Variants in HDX observed in about 807,000 individuals in gnomAD.
The protein encoded by HDX is highly divergent homeobox, also known as chromosome X open reading frame 43.
Under a neutral mutation model 45.2 loss-of-function variants are expected in HDX, and 19 were observed. The ratio of observed to expected loss-of-function variants is 0.42; its 90% CI spans 0.29 to 0.62. The LOEUF is 0.62. HDX is among the 20% of genes least tolerant of loss of function. HDX has a pLI of 0.20. For synonymous variants in HDX, 188 were observed against 172.8 expected, an observed-to-expected ratio of 1.09 and a Z score of -0.69; for missense variants, 532 against 493.9, an observed-to-expected ratio of 1.08 and a Z score of -0.73.
chrX:84,462,238 T>A (rs1602501364), intron 4 of HDX, among the ~76,000 whole-genome samples: 1 of 112,152 alleles, frequency 8.9e-6, no homozygotes, highest in East Asian at 2.8e-4. Flanking sequence ...GCAGCACTAT[T>A]CACAATAGAC....
chrX:84,408,510 T>G (rs1459649662), intron 5 of HDX, among the ~76,000 whole-genome samples: 20 of 101,842 alleles, frequency 2.0e-4, no homozygotes, highest in Admixed American at 1.4e-3. Context: ...TTTTTTTTTT[T>G]TTTTTTTTTT....
intron 5 of HDX, among the ~76,000 whole-genome samples, chrX:84,429,377 G>GCTA (rs1467818380): frequency 2.7e-5 from 3 of 110,134 alleles, no homozygotes; most frequent in Non-Finnish European, 5.8e-5. Flanking sequence ...ATAGTTTTCA[G>GCTA]GGCAGAGGTT....
intron 10 of HDX, among the ~76,000 whole-genome samples, chrX:84,323,736 T>A (rs1477499090): frequency 8.9e-6 from 1 of 111,844 alleles, no homozygotes; most frequent in African/African-American, 3.2e-5. Context: ...CTGAAAAAAA[T>A]CTTTGGATTA....
rs186941259 is a variant in HDX, at chrX:84,453,661, T to G, written c.1252-13076A>C. Reference sequence around the variant, plus strand: ...CAGTCTATGTGACAAGGATTGCAGTTCCTGGGCAAGTCCTGGTACTGTGCT... The same window carrying G: ...CAGTCTATGTGACAAGGATTGCAGTGCCTGGGCAAGTCCTGGTACTGTGCT... On this transcript the variant is annotated intron_variant, in intron 4 of 10. Coordinates refer to ENST00000373177, the MANE Select transcript of HDX (RefSeq NM_001177479.2). Among the ~76,000 whole-genome samples the G allele has an allele frequency of 2.7e-5, 3 of 111,769 alleles. No homozygotes were observed. The East Asian group carries it at 8.5e-4, about 32-fold the overall frequency.
At chrX:84,336,400 A>C (rs2147781803) in intron 8 of HDX, among the ~76,000 whole-genome samples, 1 of 111,370 alleles carries the variant, frequency 9.0e-6, no homozygotes, top group East Asian at 2.9e-4. Context: ...TCAGAGTCGG[A>C]AATTCTTGCA....
At chrX:84,454,462 G>T (rs1373320886) in intron 4 of HDX, among the ~76,000 whole-genome samples, 1 of 111,622 alleles carries the variant, frequency 9.0e-6, no homozygotes, top group Non-Finnish European at 1.9e-5. Flanking sequence ...GCCTGAGGTG[G>T]TGGCGGCCAA....
intron 5 of HDX, among the ~76,000 whole-genome samples, chrX:84,391,045 T>C (rs1027758636): frequency 3.6e-5 from 4 of 111,899 alleles, no homozygotes; most frequent in African/African-American, 6.5e-5. Flanking sequence ...CTATCAAACA[T>C]TGGAAATTAT....
intron 5 of HDX, among the ~76,000 whole-genome samples, chrX:84,393,814 T>C (rs1474798989): frequency 9.0e-6 from 1 of 110,976 alleles, no homozygotes; most frequent in Admixed American, 9.6e-5. Flanking sequence ...GTACAGTTAC[T>C]CCTGATAGTC....
In HDX at chrX:84,427,336, A is replaced by G. The variant is rs375341831; in HGVS notation, c.1305+13196T>C. 1.1e-4 allele frequency among the ~76,000 whole-genome samples: 12 copies of G among 111,159 alleles called. No homozygotes were observed. In the East Asian group the frequency reaches 2.8e-3, roughly 26 times the overall value. Reference sequence around the variant, plus strand: ...GTTTAATTAACATACAATAAATTGCATATATTTAATCTGTACAATTAGATG... The same window carrying G: ...GTTTAATTAACATACAATAAATTGCGTATATTTAATCTGTACAATTAGATG... On this transcript the variant is annotated intron_variant, in intron 5 of 10. Coordinates refer to ENST00000373177, the MANE Select transcript of HDX (RefSeq NM_001177479.2).
chrX:84,495,685 T>C (rs143896463), intron 1 of HDX, among the ~76,000 whole-genome samples: 1,364 of 111,604 alleles, frequency 0.012, 8 homozygotes, highest in Non-Finnish European at 0.019. Flanking sequence ...AAACAAAAGA[T>C]ACTTAAGGCA....
chrX:84,360,874 T>A (rs1350068126), intron 6 of HDX, among the ~76,000 whole-genome samples: 1 of 112,004 alleles, frequency 8.9e-6, no homozygotes. Context: ...GTTATGAATA[T>A]CAGTGTGCAA....
chrX:84,488,324 A>AACACACAC (rs200905875), intron 1 of HDX, among the ~76,000 whole-genome samples, 192 bp from the exon 2 acceptor site: 1,363 of 94,844 alleles, frequency 0.014, 9 homozygotes, highest in Non-Finnish European at 0.022. Context: ...TAAAATCTAA[A>AACACACAC]ACACACACAC....
intron 4 of HDX, among the ~76,000 whole-genome samples, chrX:84,446,006 C>T (rs935241642): frequency 1.8e-5 from 2 of 111,297 alleles, no homozygotes; most frequent in Admixed American, 1.9e-4. Context: ...TTATAAAATT[C>T]TAAGATGTTT....
At chrX:84,462,878 T>C (rs1425045099) in intron 4 of HDX, among the ~76,000 whole-genome samples, 2 of 111,171 alleles carry the variant, frequency 1.8e-5, no homozygotes, top group African/African-American at 6.5e-5. Context: ...TGCTATGACA[T>C]GAATGAAACT....
intron 9 of HDX, among the ~76,000 whole-genome samples, chrX:84,330,945 C>T (rs2036829728): frequency 8.9e-6 from 1 of 111,787 alleles, no homozygotes; most frequent in Non-Finnish European, 1.9e-5. Flanking sequence ...AGTATCATAA[C>T]ATCAGTTACT....
At chrX:84,473,146 C>G (rs979292235) in intron 3 of HDX, among the ~76,000 whole-genome samples, 1 of 108,643 alleles carries the variant, frequency 9.2e-6, no homozygotes, top group African/African-American at 3.3e-5. Flanking sequence ...ATATCTCCTT[C>G]TTTGTTTTCT....
chrX:84,371,144 T>C (rs67211629), intron 5 of HDX, among the ~76,000 whole-genome samples: 8,896 of 111,562 alleles, frequency 0.08, 475 homozygotes, highest in African/African-American at 0.19. Context: ...CTGAAAATTT[T>C]CTCCTCAGTG....
chrX:84,344,505 A>T (rs777049428), intron 6 of HDX, 48 bp from the exon 7 acceptor site: 1 of 870,733 alleles, frequency 1.1e-6, no homozygotes, highest in East Asian at 3.1e-5. Flanking sequence ...TAGAAAACTT[A>T]GCAGTTCTAG....
chrX:84,417,190 GAGAA>G (rs1374839572), intron 5 of HDX, among the ~76,000 whole-genome samples: 5 of 87,654 alleles, frequency 5.7e-5, no homozygotes, highest in Admixed American at 1.3e-4. Flanking sequence ...AAGAAAGAGA[GAGAA>G]AGAAAGAAGA....
Sources: allele counts gnomAD v4.1 joint callset (sites outside exome capture counted in the v4.1 genomes callset), GRCh38; gene constraint gnomAD v4.1.1; transcripts MANE v1.5; gene names NCBI Gene and HGNC (gene_info 2026-07-23, HGNC 2026-07-21).